AGBL1: variants seen among roughly 807,000 people sequenced by gnomAD.
AGBL1 encodes the protein cytosolic carboxypeptidase 4.
In AGBL1, 130 loss-of-function variants were observed where a neutral mutation model predicts 118.9. That is an observed-to-expected ratio of 1.09 (90% CI 0.95 to 1.26). AGBL1 has a LOEUF of 1.26. AGBL1 is among the 50% of genes most tolerant of loss of function. The pLI, the probability that AGBL1 is intolerant of heterozygous loss-of-function variation, is 0.00. For synonymous variants in AGBL1, 555 were observed against 478.9 expected, an observed-to-expected ratio of 1.16 and a Z score of -2.08; for missense variants, 1,584 against 1,298.1, an observed-to-expected ratio of 1.22 and a Z score of -3.38.
chr15:86,657,667 A>G lies in AGBL1; in HGVS notation c.2995-16606A>G, dbSNP rs962574591. On this transcript the variant is annotated intron_variant, in intron 21 of 22. Coordinates refer to ENST00000614907, the MANE Select transcript of AGBL1 (RefSeq NM_001386094.1). ...TTTCCCTAGAAATGCTGTGTCCTCT[A>G]TGGATAATCACAGTATAATTTATGT... Among the ~76,000 whole-genome samples the G allele has an allele frequency of 2.6e-5, 4 of 152,176 alleles. No homozygotes were observed. The East Asian group carries it at 7.7e-4, about 29-fold the overall frequency.
chr15:86,770,390 T>C (rs1437812018), intron 22 of AGBL1, among the ~76,000 whole-genome samples: 2 of 151,892 alleles, frequency 1.3e-5, no homozygotes, highest in Non-Finnish European at 2.9e-5. Context: ...AAGGTAGGGT[T>C]GGTTACTAAG....
chr15:86,285,274 G>A (rs1293209666), intron 16 of AGBL1, among the ~76,000 whole-genome samples: 12 of 152,104 alleles, frequency 7.9e-5, no homozygotes, highest in African/African-American at 2.4e-4. Context: ...CCAGCAGGAG[G>A]GAGATTTCAT....
chr15:86,991,999 G>C (rs1011799947), intron 24 of AGBL1, among the ~76,000 whole-genome samples: 1 of 152,292 alleles, frequency 6.6e-6, no homozygotes, highest in African/African-American at 2.4e-5. Context: ...AGGCTGGGTA[G>C]TTTATAAGGA....
intron 21 of AGBL1, among the ~76,000 whole-genome samples, chr15:86,566,170 A>G (rs2083910563): frequency 1.3e-5 from 2 of 152,142 alleles, no homozygotes; most frequent in Non-Finnish European, 2.9e-5. Context: ...CAGTGAGATG[A>G]ACCCGGTACC....
In AGBL1 at chr15:86,197,480, C is replaced by T. The variant is rs541520775; in HGVS notation, c.489-27434C>T. ...TGAAGTGGCAAATAACTTGGGTGTT[C>T]TAGTGTTTTGTGGAAAGTAGAACTG... On this transcript the variant is annotated intron_variant, in intron 5 of 22. Coordinates refer to ENST00000614907, the MANE Select transcript of AGBL1 (RefSeq NM_001386094.1). Among the ~76,000 whole-genome samples, 8 of 152,284 alleles carry T rather than the reference C, an allele frequency of 5.3e-5. No homozygotes were observed. In the South Asian group the frequency reaches 1.7e-3, roughly 32 times the overall value.
intron 21 of AGBL1, among the ~76,000 whole-genome samples, chr15:86,671,723 T>C (rs1475695630): frequency 6.6e-6 from 1 of 152,196 alleles, no homozygotes; most frequent in Non-Finnish European, 1.5e-5. Flanking sequence ...GGCACTCACA[T>C]ACCCAAACCC....
intron 18 of AGBL1, among the ~76,000 whole-genome samples, chr15:86,475,481 A>G (rs894488398): frequency 6.6e-6 from 1 of 152,230 alleles, no homozygotes; most frequent in African/African-American, 2.4e-5. Context: ...TCAGTGATTG[A>G]AGATCAAATG....
intron 22 of AGBL1, among the ~76,000 whole-genome samples, chr15:86,738,591 T>G (rs898239703): frequency 1.3e-5 from 2 of 152,220 alleles, no homozygotes; most frequent in East Asian, 3.8e-4. Flanking sequence ...TTTCTGACTC[T>G]CTTCATCCGT....
chr15:86,771,592 A>G (rs749438385), intron 22 of AGBL1, among the ~76,000 whole-genome samples: 1 of 151,988 alleles, frequency 6.6e-6, no homozygotes, highest in African/African-American at 2.4e-5. Flanking sequence ...TAGTATACCA[A>G]TGCAGTACTC....
intron 1 of AGBL1, among the ~76,000 whole-genome samples, chr15:86,104,012 G>A (rs1200067106): frequency 6.6e-6 from 1 of 152,152 alleles, no homozygotes; most frequent in East Asian, 1.9e-4. Flanking sequence ...TGATGGGTGA[G>A]GAGGGCCAGT....
chr15:86,423,236 C>T (rs1037369800), intron 18 of AGBL1, among the ~76,000 whole-genome samples: 3 of 152,224 alleles, frequency 2.0e-5, no homozygotes, highest in Non-Finnish European at 4.4e-5. Context: ...AGCTTATCCA[C>T]CACGATAAAG....
chr15:86,847,566 G>T (rs2079337396), intron 22 of AGBL1, among the ~76,000 whole-genome samples: 1 of 152,166 alleles, frequency 6.6e-6, no homozygotes, highest in Non-Finnish European at 1.5e-5. Context: ...AGGCCACGCA[G>T]TTATGCATAG....
At chr15:86,433,061 C>T (rs2081955280) in intron 18 of AGBL1, among the ~76,000 whole-genome samples, 1 of 152,170 alleles carries the variant, frequency 6.6e-6, no homozygotes, top group Non-Finnish European at 1.5e-5. Flanking sequence ...CTCAGCTGTG[C>T]TCAAGCCAGG....
chr15:86,707,021 C>T (rs1444727377), intron 22 of AGBL1, among the ~76,000 whole-genome samples: 1 of 152,098 alleles, frequency 6.6e-6, no homozygotes, highest in East Asian at 1.9e-4. Flanking sequence ...AATGATGATG[C>T]AACATGAATC....
rs72757810 is a variant in AGBL1, at chr15:86,461,810, T to C, written c.2556-61000T>C. Among the ~76,000 whole-genome samples, 876 of 152,286 alleles carry C rather than the reference T, an allele frequency of 5.8e-3. 9 individuals carry two copies. Among genetic ancestry groups the C allele is most frequent in the Admixed American group, 0.019 (288 of 15,292 alleles). The stretch of plus-strand genomic sequence containing the variant: ...CTTTCTCCTTCCCTTTGCAAGAATT[T>C]TCATGTCTCTTTATTGCTGAAATTC... On this transcript the variant is annotated intron_variant, in intron 18 of 22. Coordinates refer to ENST00000614907, the MANE Select transcript of AGBL1 (RefSeq NM_001386094.1).
At chr15:86,338,928 G>A (rs1401656658) in intron 17 of AGBL1, among the ~76,000 whole-genome samples, 1 of 152,108 alleles carries the variant, frequency 6.6e-6, no homozygotes, top group Non-Finnish European at 1.5e-5. Context: ...TTATTATCAA[G>A]TTGAGGATGT....
chr15:86,648,237 G>A (rs1037419667), intron 21 of AGBL1, among the ~76,000 whole-genome samples: 15 of 152,296 alleles, frequency 9.8e-5, no homozygotes, highest in African/African-American at 2.4e-4. Context: ...AGAGTGGAAA[G>A]AGAAAGATGA....
chr15:86,744,453 C>A (rs938488343), intron 22 of AGBL1, among the ~76,000 whole-genome samples: 9 of 152,070 alleles, frequency 5.9e-5, no homozygotes, highest in Non-Finnish European at 1.0e-4. Flanking sequence ...CTCCCAGTGA[C>A]CTTCCTAGAT....
intron 22 of AGBL1, among the ~76,000 whole-genome samples, chr15:86,816,608 T>C (rs1341707137): frequency 2.0e-5 from 3 of 152,138 alleles, no homozygotes; most frequent in Non-Finnish European, 4.4e-5. Flanking sequence ...AAAAAATACC[T>C]TATTTGAAAG....
Sources: allele counts gnomAD v4.1 joint callset (sites outside exome capture counted in the v4.1 genomes callset), GRCh38; gene constraint gnomAD v4.1.1; transcripts MANE v1.5; gene names NCBI Gene and HGNC (gene_info 2026-07-23, HGNC 2026-07-21).